The following EVC2 variants were observed in gnomAD, a reference collection of about 807,000 sequenced individuals.
The protein encoded by EVC2 is EvC ciliary complex subunit 2.
EVC2 carries 148 observed loss-of-function variants against 149.3 expected under a neutral mutation model. The ratio of observed to expected loss-of-function variants is 0.99; its 90% CI spans 0.87 to 1.14. The LOEUF (loss-of-function observed/expected upper bound fraction) is 1.14. Ranked by LOEUF, EVC2 falls within the 50% of genes most tolerant of loss-of-function variation. The probability of loss-of-function intolerance (pLI) is 0.00; values close to 1 mark genes in which losing one functional copy is unlikely to be tolerated. For synonymous variants in EVC2, 776 were observed against 649.9 expected, an observed-to-expected ratio of 1.19 and a Z score of -2.95; for missense variants, 1,854 against 1,627.3, an observed-to-expected ratio of 1.14 and a Z score of -2.40.
In EVC2 at chr4:5,691,461, C is replaced by A. The variant is rs1215113862; in HGVS notation, c.451-128G>T. 3.1e-5 allele frequency: 22 copies of A among 720,604 alleles called. No homozygotes were observed. The East Asian group carries it at 5.7e-4, about 19-fold the overall frequency. 44.6% of individuals were successfully genotyped at this position (720,604 alleles called of 1,614,324 possible). A position where few individuals can be genotyped will look rare whatever the true frequency, so the allele number is the denominator to read the frequency against. The stretch of plus-strand genomic sequence containing the variant: ...TTACTGCTACTAATCCTTAAGTAAT[C>A]TTGAAGTCTTATTTTTTAAAAGAGC... On this transcript the variant is annotated intron_variant, in intron 3 of 21. Coordinates refer to ENST00000344408, the MANE Select transcript of EVC2 (RefSeq NM_147127.5).
At chr4:5,573,446 T>G (rs1290279249) in intron 19 of EVC2, among the ~76,000 whole-genome samples, 1 of 152,118 alleles carries the variant, frequency 6.6e-6, no homozygotes, top group Non-Finnish European at 1.5e-5. Flanking sequence ...AAGGAGGCCA[T>G]GAGCCAAGGA....
intron 1 of EVC2, among the ~76,000 whole-genome samples, chr4:5,706,321 C>G (rs369793262): frequency 2.1e-3 from 57 of 26,542 alleles, no homozygotes; most frequent in African/African-American, 7.3e-3. Context: ...TAGATAGATA[C>G]ATAGATAGAT....
intron 17 of EVC2, among the ~76,000 whole-genome samples, chr4:5,577,709 A>G (rs1723016577): frequency 6.6e-6 from 1 of 152,170 alleles, no homozygotes; most frequent in South Asian, 2.1e-4. Context: ...CATCGCACGG[A>G]GAACCTTCTA....
At chr4:5,692,894 A>AAAAAG (rs1560231747) in intron 3 of EVC2, among the ~76,000 whole-genome samples, 2 of 144,164 alleles carry the variant, frequency 1.4e-5, no homozygotes, top group African/African-American at 2.6e-5. Flanking sequence ...AAAAAAAGAA[A>AAAAAG]AAAGAAAATT....
chr4:5,541,847 G>C (rs1465037161), downstream of EVC2, among the ~76,000 whole-genome samples: 1 of 152,150 alleles, frequency 6.6e-6, no homozygotes, highest in Non-Finnish European at 1.5e-5. Context: ...AGACATAGTG[G>C]AGAACAGGAC....
At position 5,631,779 on chromosome 4, in the gene EVC2, G is replaced by C. The variant is rs755278587; in HGVS notation, c.1710+14C>G. ...AAAAATTACTTTTCCATCACAGCGA[G>C]GCTGATGTATTACCTGTATTTTAGA... On this transcript the variant is annotated intron_variant, in intron 11 of 21. Coordinates refer to ENST00000344408, the MANE Select transcript of EVC2 (RefSeq NM_147127.5). The C allele has an allele frequency of 6.2e-7, 1 of 1,613,388 alleles. No individual in the cohort carries two copies. The highest frequency in any genetic ancestry group is 1.1e-5 in the South Asian group (1 of 91,036).
At chr4:5,574,379 A>T (rs1722797155) in intron 19 of EVC2, among the ~76,000 whole-genome samples, 1 of 152,192 alleles carries the variant, frequency 6.6e-6, no homozygotes, top group Non-Finnish European at 1.5e-5. Context: ...TCCCGGTAGA[A>T]CCTACTTTTT....
chr4:5,541,901 G>A (rs1441701624), downstream of EVC2, among the ~76,000 whole-genome samples: 1 of 152,184 alleles, frequency 6.6e-6, no homozygotes, highest in African/African-American at 2.4e-5. Flanking sequence ...GCAATGGACT[G>A]AATGTGTGTG....
intron 16 of EVC2, among the ~76,000 whole-genome samples, chr4:5,593,788 C>CT (rs1397987859): frequency 2.0e-5 from 3 of 152,148 alleles, no homozygotes; most frequent in Admixed American, 1.3e-4. Flanking sequence ...TCGGGAAGCA[C>CT]AAGGGGTCAG....
rs1715467578 is a variant in EVC2 at position 5,618,751 on chromosome 4, C to A, written c.2502-69G>T. The A allele has an allele frequency of 7.0e-7, 1 of 1,421,050 alleles. No homozygotes were observed. The highest frequency in any genetic ancestry group is 9.7e-7 in the Non-Finnish European group (1 of 1,029,102). 88.0% of individuals were successfully genotyped at this position (1,421,050 alleles called of 1,614,324 possible). On this transcript the variant is annotated intron_variant, in intron 14 of 21. Transcript: ENST00000344408. This position sits in a 1 kb window ranked among gnomAD's most constrained non-coding sequence, Gnocchi z 4.4. The stretch of plus-strand genomic sequence containing the variant: ...TGGGGGCTGGGCTGGGGTGAAGAAG[C>A]CAGAGATGCAAAGCTCATTCCTCAT...
intron 21 of EVC2, among the ~76,000 whole-genome samples, chr4:5,543,563 C>G (rs1213041949): frequency 6.6e-6 from 1 of 152,088 alleles, no homozygotes; most frequent in Non-Finnish European, 1.5e-5. Context: ...AAACCAGTTT[C>G]CTAGCCCAAC....
At chr4:5,693,655 T>C (rs1721271670) in intron 3 of EVC2, among the ~76,000 whole-genome samples, 3 of 152,216 alleles carry the variant, frequency 2.0e-5, no homozygotes, top group African/African-American at 7.2e-5. Flanking sequence ...TGGTCATTTG[T>C]GACAGCAGCC....
At position 5,591,118 on chromosome 4, in the gene EVC2, G is replaced by A. The variant is rs138159024; in HGVS notation, c.2830-6268C>T. On this transcript the variant is annotated intron_variant, in intron 16 of 21. Coordinates refer to ENST00000344408, the MANE Select transcript of EVC2 (RefSeq NM_147127.5). ...GGTGGAGACACAGGACCCATGAAGG[G>A]GCATGAAGCTCAATGACACTTGTGC... Among the ~76,000 whole-genome samples, 130 of 152,140 alleles carry A rather than the reference G, an allele frequency of 8.5e-4. 1 individual carries two copies. In the East Asian group the frequency reaches 0.013, roughly 15 times the overall value.
intron 16 of EVC2, among the ~76,000 whole-genome samples, chr4:5,586,226 T>A (rs1712265360): frequency 6.6e-6 from 1 of 152,340 alleles, no homozygotes; most frequent in East Asian, 1.9e-4. Context: ...TCTTCTGGGT[T>A]GAGGATCTCT....
chr4:5,628,979 T>A (rs1716334709), intron 11 of EVC2, among the ~76,000 whole-genome samples: 1 of 152,148 alleles, frequency 6.6e-6, no homozygotes, highest in East Asian at 1.9e-4. Context: ...CAGAACAACT[T>A]CACTGCCCTA....
intron 16 of EVC2, among the ~76,000 whole-genome samples, chr4:5,599,432 G>A (rs1367990684): frequency 2.0e-5 from 3 of 152,168 alleles, no homozygotes; most frequent in African/African-American, 7.2e-5. Flanking sequence ...GGACATGGAT[G>A]AAATTGGAAA....
intron 11 of EVC2, among the ~76,000 whole-genome samples, chr4:5,629,827 G>A (rs1434557853): frequency 2.0e-5 from 3 of 152,228 alleles, no homozygotes; most frequent in East Asian, 3.8e-4. Flanking sequence ...ATCCATGCAT[G>A]CTGATTGATG....
In EVC2 at chr4:5,665,523, T is replaced by C. The variant is rs1385958586; in HGVS notation, c.997A>G (p.Arg333Gly). The change falls in exon 8 of 22, where the codon AGA (arginine) becomes GGA (glycine). Residue 333 changes from arginine to glycine, a missense_variant. Arg to Gly is a moderately radical substitution (Grantham distance 125, BLOSUM62 -2). Transcript: ENST00000344408. ...CCTCAGGGAAGACTCACCCGATGTC[T>C]GGTGAGCATGTTTCCCTTCAGACAC... is the stretch of plus-strand genomic sequence containing the variant. ...YQCLKGNMLT[R>G]HRVWQYESKL... The C allele has an allele frequency of 6.2e-7, 1 of 1,613,972 alleles. No individual in the cohort carries two copies. The highest frequency in any genetic ancestry group is 8.5e-7 in the Non-Finnish European group (1 of 1,180,012).
In EVC2 at chr4:5,580,665, C is replaced by T. The variant is rs116102886; in HGVS notation, c.3057+3958G>A. 4.8e-3 allele frequency among the ~76,000 whole-genome samples: 727 copies of T among 152,266 alleles called. 6 individuals carry two copies. The highest frequency in any genetic ancestry group is 0.017 in the African/African-American group (687 of 41,544). ...TGCAGGCTCTATTAGGGCAGTGATCCGCCTCCACGCTAATCACCTCCAGTG... is the reference window on the plus strand; with the variant it reads ...TGCAGGCTCTATTAGGGCAGTGATCTGCCTCCACGCTAATCACCTCCAGTG... On this transcript the variant is annotated intron_variant, in intron 17 of 21. Transcript: ENST00000344408.
Sources: allele counts gnomAD v4.1 joint callset (sites outside exome capture counted in the v4.1 genomes callset), GRCh38; gene constraint gnomAD v4.1.1; non-coding constraint Gnocchi (gnomAD v3.1); transcripts MANE v1.5; gene names NCBI Gene and HGNC (gene_info 2026-07-23, HGNC 2026-07-21).